The following SGSM3 variants were observed in gnomAD, a reference collection of about 807,000 sequenced individuals.
SGSM3 encodes the protein RUN and SH3 containing 3.
A neutral mutation model predicts 100.5 loss-of-function variants in SGSM3; 96 were observed. That is an observed-to-expected ratio of 0.96 (90% CI 0.81 to 1.13). The LOEUF is 1.13. Ranked by LOEUF, SGSM3 falls within the 50% of genes most tolerant of loss-of-function variation. The pLI, the probability that SGSM3 is intolerant of heterozygous loss-of-function variation, is 0.00. For missense variants in SGSM3, 1,001 were observed against 1,015.8 expected, an observed-to-expected ratio of 0.99 and a Z score of 0.20; for synonymous variants, 483 against 422.8, an observed-to-expected ratio of 1.14 and a Z score of -1.75.
At chr22:40,372,157 C>T (rs1045704772) in intron 1 of SGSM3, among the ~76,000 whole-genome samples, 2 of 106,618 alleles carry the variant, frequency 1.9e-5, no homozygotes, top group African/African-American at 3.6e-5. Context: ...GACGGAGTCT[C>T]GCTCTGTTGC....
chr22:40,406,150 G>A lies in SGSM3; in HGVS notation c.887G>A (p.Arg296His). ...ASVVDIKLLL[R>H]IWDLFFYEGS... The stretch of plus-strand genomic sequence containing the variant: ...GTGGTGGACATCAAGCTGCTCCTGC[G>A]CATCTGGGACCTGTTTTTCTACGAG... Residue 296 changes from arginine (R) to histidine (H), a missense_variant, in exon 9 of 22, where the codon CGC becomes CAC. By Grantham distance (29) the Arg-to-His change is conservative. Coordinates refer to ENST00000248929, the MANE Select transcript of SGSM3 (RefSeq NM_015705.6). The A allele has an allele frequency of 6.2e-6, 10 of 1,614,118 alleles. No individual in the cohort carries two copies. Among genetic ancestry groups the A allele is most frequent in the Non-Finnish European group, 8.5e-6 (10 of 1,180,028 alleles).
intron 1 of SGSM3, among the ~76,000 whole-genome samples, chr22:40,392,678 G>C (rs2049518010): frequency 6.6e-6 from 1 of 152,096 alleles, no homozygotes; most frequent in African/African-American, 2.4e-5. Flanking sequence ...TTTTAAAATT[G>C]AGATATAATT....
At chr22:40,406,283 C>T in intron 9 of SGSM3, 60 bp downstream of exon 9, 1 of 1,600,128 alleles carries the variant, frequency 6.2e-7, no homozygotes, top group Non-Finnish European at 8.5e-7. Context: ...GGCAGGGGAG[C>T]AAGAGACCTC....
intron 1 of SGSM3, among the ~76,000 whole-genome samples, chr22:40,378,949 G>A (rs1240893896): frequency 6.6e-6 from 1 of 151,652 alleles, no homozygotes; most frequent in Admixed American, 6.6e-5. Context: ...TCTTTGTTTC[G>A]GACCTCTGCT....
Position 40,408,363 on chromosome 22 carries a change from C to G in SGSM3, c.1716C>G (p.Phe572Leu), listed in dbSNP as rs747145895. The change falls in exon 16 of 22, where the codon TTC (phenylalanine) becomes TTG (leucine). Residue 572 changes from phenylalanine (F) to leucine (L), a missense_variant. Phe to Leu is a conservative substitution (Grantham distance 22). Coordinates refer to ENST00000248929, the MANE Select transcript of SGSM3 (RefSeq NM_015705.6). The part of the protein sequence containing the change: ...GTLCPALKAL[F>L]EHGLKKPSLL... ...TCTGCCCGGCCCTTAAGGCCCTGTT[C>G]GAACATGGACTGAAGAAGCCATCCC... 1.2e-6 allele frequency: 2 copies of G among 1,613,474 alleles called. No individual in the cohort carries two copies. Among genetic ancestry groups the G allele is most frequent in the Non-Finnish European group, 1.7e-6 (2 of 1,180,026 alleles).
At chr22:40,372,419 C>T (rs2045766257) in intron 1 of SGSM3, among the ~76,000 whole-genome samples, 1 of 152,144 alleles carries the variant, frequency 6.6e-6, no homozygotes, top group African/African-American at 2.4e-5. Context: ...GCCACCGTGC[C>T]TGGCCCTCCC....
Position 40,404,504 on chromosome 22 carries a change from A to G in SGSM3, c.366+49A>G, listed in dbSNP as rs751541780. The G allele has an allele frequency of 3.1e-6, 5 of 1,610,464 alleles. No individual in the cohort carries two copies. The South Asian group carries it at 5.5e-5, about 18-fold the overall frequency. On this transcript the variant is annotated intron_variant, in intron 5 of 21. Coordinates refer to ENST00000248929, the MANE Select transcript of SGSM3 (RefSeq NM_015705.6). ...AGGGTGTTGAGAGGGTCCTGGCCCC[A>G]TGATCAGGTGTCACGAGAAAGACTG...
intron 1 of SGSM3, among the ~76,000 whole-genome samples, chr22:40,386,421 C>G (rs138720290): frequency 1.5e-3 from 225 of 152,230 alleles, no homozygotes; most frequent in African/African-American, 5.0e-3. Flanking sequence ...TGATGCTGAT[C>G]TGAATGTAAT....
At chr22:40,372,518 C>A (rs2045783693) in intron 1 of SGSM3, 1 of 152,090 alleles carries the variant, frequency 6.6e-6, no homozygotes, top group Non-Finnish European at 1.5e-5. Flanking sequence ...GTTAACATAA[C>A]CCATGACCAG....
In SGSM3 at chr22:40,407,938, C is replaced by G; in HGVS notation, c.1579+95C>G. ...CTGGCCGCCACCAAGCTGTTCTCCT[C>G]TATACACCTGCCTGGCTTGAGGTCC... On this transcript the variant is annotated intron_variant, in intron 14 of 21. Transcript: ENST00000248929. This position sits in a 1 kb window ranked among gnomAD's most constrained non-coding sequence, Gnocchi z 4.7. 1 of 1,459,024 alleles carries G rather than the reference C, an allele frequency of 6.9e-7. No individual in the cohort carries two copies. Among genetic ancestry groups the G allele is most frequent in the African/African-American group, 1.4e-5 (1 of 71,600 alleles). The allele number at this position is 1,459,024 out of a possible 1,614,324, so 90.4% of individuals were successfully genotyped here. A position where few individuals can be genotyped will look rare whatever the true frequency, so the allele number is the denominator to read the frequency against.
At chr22:40,398,256 C>T (rs1326107558) in intron 1 of SGSM3, among the ~76,000 whole-genome samples, 2 of 143,680 alleles carry the variant, frequency 1.4e-5, no homozygotes, top group African/African-American at 5.1e-5. Flanking sequence ...CGTGAGCCAC[C>T]GGGCCCAGCC....
chr22:40,406,805 G>C (rs899066976), intron 10 of SGSM3, 143 bp downstream of exon 10: 4 of 886,760 alleles, frequency 4.5e-6, no homozygotes, highest in Non-Finnish European at 5.3e-6. Context: ...GACCACAGCT[G>C]TGGGGTGATC....
In SGSM3 at chr22:40,407,659, C is replaced by A; in HGVS notation, c.1524+91C>A. 1 of 1,577,416 alleles carries A rather than the reference C, an allele frequency of 6.3e-7. No individual in the cohort carries two copies. The highest frequency in any genetic ancestry group is 8.6e-7 in the Non-Finnish European group (1 of 1,156,608). On this transcript the variant is annotated intron_variant, in intron 13 of 21. Coordinates refer to ENST00000248929, the MANE Select transcript of SGSM3 (RefSeq NM_015705.6). This position sits in a 1 kb window ranked among gnomAD's most constrained non-coding sequence, Gnocchi z 4.7. The stretch of plus-strand genomic sequence containing the variant: ...AGCCCCACCCCAACCCCTTTCCCTG[C>A]CAAGAGCTTCTCTTGTGAAGATGTA...
chr22:40,375,689 A>G (rs548520468), intron 1 of SGSM3, among the ~76,000 whole-genome samples: 1 of 151,950 alleles, frequency 6.6e-6, no homozygotes, highest in African/African-American at 2.4e-5. Flanking sequence ...CACTACAACA[A>G]AATTATGTGA....
intron 2 of SGSM3, among the ~76,000 whole-genome samples, chr22:40,401,150 C>T (rs2050704405): frequency 6.6e-6 from 1 of 152,206 alleles, no homozygotes; most frequent in Admixed American, 6.5e-5. Context: ...TCACTCTGCT[C>T]CTTCCCTACC....
chr22:40,409,305 G>GAGA lies in SGSM3; in HGVS notation c.2047_2049dup (p.Lys683dup), dbSNP rs757952723. On this transcript the variant is annotated inframe_insertion, in exon 20 of 22. Coordinates refer to ENST00000248929, the MANE Select transcript of SGSM3 (RefSeq NM_015705.6). ...GCTCTGCTCCAGCCTGCCCACCGTG[G>GAGA]AGAAGTGGTACCAGCCCTGGTCCTT... 6.2e-7 allele frequency: 1 copy of GAGA among 1,613,154 alleles called. No homozygotes were observed. The highest frequency in any genetic ancestry group is 1.1e-5 in the South Asian group (1 of 91,064).
chr22:40,406,021 C>T (rs889392256), intron 8 of SGSM3, 57 bp from the exon 9 acceptor site: 126 of 1,590,186 alleles, frequency 7.9e-5, no homozygotes, highest in Admixed American at 1.0e-4. Context: ...GCTGCAGTTC[C>T]GGGGAGGGAG....
chr22:40,380,006 C>G (rs968920460), intron 1 of SGSM3, among the ~76,000 whole-genome samples: 1 of 152,110 alleles, frequency 6.6e-6, no homozygotes, highest in Admixed American at 6.5e-5. Flanking sequence ...CCATCGTGCT[C>G]GGCCTGGTTT....
At chr22:40,371,443 C>T (rs886849385) in intron 1 of SGSM3, among the ~76,000 whole-genome samples, 1 of 152,116 alleles carries the variant, frequency 6.6e-6, no homozygotes, top group Non-Finnish European at 1.5e-5. Flanking sequence ...CTGGAATGTT[C>T]TACACCTTTC....
Sources: allele counts gnomAD v4.1 joint callset (sites outside exome capture counted in the v4.1 genomes callset), GRCh38; gene constraint gnomAD v4.1.1; non-coding constraint Gnocchi (gnomAD v3.1); transcripts MANE v1.5; gene names NCBI Gene and HGNC (gene_info 2026-07-23, HGNC 2026-07-21).